Variants in CYLD observed in about 807,000 individuals in gnomAD.
CYLD encodes the protein ubiquitin carboxyl-terminal hydrolase CYLD.
Under a neutral mutation model 104.5 loss-of-function variants are expected in CYLD, and 26 were observed. The ratio of observed to expected loss-of-function variants is 0.25; its 90% CI spans 0.18 to 0.35. CYLD has a LOEUF of 0.35. Ranked by LOEUF, CYLD falls within the 10% of genes least tolerant of loss-of-function variation. CYLD has a pLI of 1.00. For missense variants in CYLD, 703 were observed against 1,136.1 expected, an observed-to-expected ratio of 0.62 and a Z score of 5.48; for synonymous variants, 385 against 399.9, an observed-to-expected ratio of 0.96 and a Z score of 0.45.
In CYLD at chr16:50,794,501, G is replaced by A. The variant is rs768110483; in HGVS notation, c.2686+73G>A. On this transcript the variant is annotated intron_variant, in intron 18 of 18. Coordinates refer to ENST00000427738, the MANE Select transcript of CYLD (RefSeq NM_001378743.1). The surrounding 1 kb of genome is among the most constrained non-coding windows in gnomAD (Gnocchi z 4.1). ...TAGTGGGACAGTTTGTAGTGGGATC[G>A]CCTGTTCTGAGTGATATTTTCTGAG... 3.7e-6 allele frequency: 5 copies of A among 1,357,146 alleles called. No individual in the cohort carries two copies. The highest frequency in any genetic ancestry group is 1.7e-5 in the Admixed American group (1 of 59,610). 84.1% of individuals were successfully genotyped at this position (1,357,146 alleles called of 1,614,324 possible).
chr16:50,747,413 G>T (rs570399411), intron 2 of CYLD, among the ~76,000 whole-genome samples: 3 of 152,168 alleles, frequency 2.0e-5, no homozygotes, highest in Non-Finnish European at 1.5e-5. Context: ...AAGCATTCGC[G>T]ACCTCAGGAA....
In CYLD at chr16:50,749,939, G is replaced by A. The variant is rs916449502; in HGVS notation, c.241G>A (p.Val81Ile). ...GLKILEQPHAVLFVDEKDVVE... is the reference protein window; with the variant it reads ...GLKILEQPHAILFVDEKDVVE... ...AAAAATTCTAGAGCAACCTCATGCA[G>A]TTCTCTTTGTTGATGAAAAGGATGT... The change falls in exon 3 of 19, where the codon GTT becomes ATT. Residue 81 changes from valine to isoleucine, a missense_variant. Physicochemically the swap from Val to Ile is conservative, Grantham distance 29 (BLOSUM62 3). This residue lies in a region of CYLD where 142 missense variants were observed against 165.1 expected (regional missense o/e 0.86). Coordinates refer to ENST00000427738, the MANE Select transcript of CYLD (RefSeq NM_001378743.1). The A allele has an allele frequency of 6.2e-7, 1 of 1,613,992 alleles. No homozygotes were observed. The highest frequency in any genetic ancestry group is 1.7e-5 in the Admixed American group (1 of 60,004).
chr16:50,789,514 T>C (rs994255160), intron 14 of CYLD, among the ~76,000 whole-genome samples: 5 of 152,132 alleles, frequency 3.3e-5, no homozygotes, highest in African/African-American at 1.2e-4. Flanking sequence ...TCTGAATGCC[T>C]TGTGGGACTT....
chr16:50,794,276 C>G lies in CYLD; in HGVS notation c.2534C>G (p.Pro845Arg), dbSNP rs755537769. ...CCAGTGTCACTTCCCAAAGACTTAC[C>G]CGACTGGGACTGGAGACACGGCTGC... The part of the protein sequence containing the change: ...YNPVSLPKDL[P>R]DWDWRHGCIP... The change falls in exon 18 of 19, where the codon CCC becomes CGC. Residue 845 changes from proline to arginine, a missense_variant. Coordinates refer to ENST00000427738, the MANE Select transcript of CYLD (RefSeq NM_001378743.1). The surrounding 1 kb of genome is among the most constrained non-coding windows in gnomAD (Gnocchi z 4.1). 2.5e-6 allele frequency: 4 copies of G among 1,614,166 alleles called. No homozygotes were observed. Among genetic ancestry groups the G allele is most frequent in the Non-Finnish European group, 3.4e-6 (4 of 1,180,032 alleles).
Position 50,780,029 on chromosome 16 carries a change from C to A in CYLD, c.1503C>A (p.Leu501=). The A allele has an allele frequency of 6.2e-7, 1 of 1,614,026 alleles. No individual in the cohort carries two copies. The highest frequency in any genetic ancestry group is 1.1e-5 in the South Asian group (1 of 91,064). Residue 501 remains leucine (L), a synonymous_variant, in exon 9 of 19, where the codon CTC becomes CTA. Coordinates refer to ENST00000427738, the MANE Select transcript of CYLD (RefSeq NM_001378743.1). ...IGQPPGLNEV[L]AGLELEDECA... ...AGCCACCAGGACTGAATGAAGTGCT[C>A]GCTGGACTGGAACTGGTAATTTAAC...
chr16:50,770,214 G>A (rs754061198), intron 5 of CYLD, among the ~76,000 whole-genome samples: 2 of 152,112 alleles, frequency 1.3e-5, no homozygotes, highest in Admixed American at 6.5e-5. Context: ...TTAAGAAACC[G>A]CTAAACTGTT....
chr16:50,796,036 A>G (rs1972011110), intron 18 of CYLD, among the ~76,000 whole-genome samples: 1 of 152,176 alleles, frequency 6.6e-6, no homozygotes, highest in Non-Finnish European at 1.5e-5. Context: ...CTACATATGT[A>G]TTGATAATAT....
chr16:50,751,828 A>C lies in CYLD; in HGVS notation c.729A>C (p.Thr243=). 1 of 1,613,626 alleles carries C rather than the reference A, an allele frequency of 6.2e-7. No individual in the cohort carries two copies. Among genetic ancestry groups the C allele is most frequent in the Non-Finnish European group, 8.5e-7 (1 of 1,179,728 alleles). ...NSRVSLKVGE[T]IESGTVIFCD... ...GAGTTTCTTTGAAGGTTGGAGAAAC[A>C]ATAGAATCTGGAACAGTTATATTCT... Residue 243 remains threonine (T), a synonymous_variant, in exon 4 of 19, where the codon ACA becomes ACC. Coordinates refer to ENST00000427738, the MANE Select transcript of CYLD (RefSeq NM_001378743.1).
At chr16:50,752,529 A>G (rs1238600985) in intron 4 of CYLD, among the ~76,000 whole-genome samples, 4 of 152,232 alleles carry the variant, frequency 2.6e-5, no homozygotes, top group Non-Finnish European at 5.9e-5. Context: ...AAATATACAT[A>G]ACAAAATTTA....
chr16:50,748,588 A>T (rs867453558), intron 2 of CYLD, among the ~76,000 whole-genome samples: 3 of 152,126 alleles, frequency 2.0e-5, no homozygotes, highest in Non-Finnish European at 4.4e-5. Context: ...AAAATTTGAA[A>T]AAGAAATAAT....
intron 5 of CYLD, among the ~76,000 whole-genome samples, chr16:50,760,450 TCA>T (rs748124494): frequency 2.6e-5 from 4 of 152,194 alleles, no homozygotes; most frequent in Non-Finnish European, 5.9e-5. Flanking sequence ...TTCTCACTAG[TCA>T]CAGTTTTTAT....
chr16:50,781,321 C>T lies in CYLD; in HGVS notation c.1594C>T (p.Leu532=), dbSNP rs754053741. The T allele has an allele frequency of 3.7e-6, 6 of 1,613,856 alleles. No homozygotes were observed. In the South Asian group the frequency reaches 6.6e-5, roughly 18 times the overall value. ...TTTCACCTGTGCCCTGAAGAAGGCG[C>T]TGTTTGTGAAACTGAAGAGCTGCAG... The part of the protein sequence containing the change: ...RYFTCALKKA[L]FVKLKSCRPD... Residue 532 remains leucine (L), a synonymous_variant, in exon 10 of 19, where the codon CTG becomes TTG. Coordinates refer to ENST00000427738, the MANE Select transcript of CYLD (RefSeq NM_001378743.1).
intron 5 of CYLD, among the ~76,000 whole-genome samples, chr16:50,758,324 G>A (rs1273694196): frequency 6.6e-6 from 1 of 152,152 alleles, no homozygotes; most frequent in African/African-American, 2.4e-5. Flanking sequence ...CTGTGGCTGC[G>A]GCAGATGGAG....
At chr16:50,788,127 A>T (rs897012143) in intron 14 of CYLD, among the ~76,000 whole-genome samples, 1 of 152,208 alleles carries the variant, frequency 6.6e-6, no homozygotes, top group African/African-American at 2.4e-5. Flanking sequence ...TTGAAACTGT[A>T]TATATATTTT....
chr16:50,748,927 C>A (rs79697833), intron 2 of CYLD, among the ~76,000 whole-genome samples: 2,500 of 152,254 alleles, frequency 0.016, 60 homozygotes, highest in African/African-American at 0.057. Flanking sequence ...ATGGGACAGG[C>A]CTGGTGGCTT....
rs374118770 is a variant in CYLD, at chr16:50,751,668, A to G, written c.569A>G (p.Asp190Gly). 2 of 1,613,858 alleles carry G rather than the reference A, an allele frequency of 1.2e-6. No individual in the cohort carries two copies. The highest frequency in any genetic ancestry group is 1.7e-6 in the Non-Finnish European group (2 of 1,179,824). The change falls in exon 4 of 19, where the codon GAT (aspartate) becomes GGT (glycine). Residue 190 changes from aspartate to glycine, a missense_variant. Transcript: ENST00000427738. ...VYQGKQLFQC[D>G]EDCGVFVALD... Reference sequence around the variant, plus strand: ...CAAGGGAAACAGCTTTTTCAGTGTGATGAAGATTGTGGCGTGTTTGTTGCA... The same window carrying G: ...CAAGGGAAACAGCTTTTTCAGTGTGGTGAAGATTGTGGCGTGTTTGTTGCA...
intron 5 of CYLD, among the ~76,000 whole-genome samples, chr16:50,771,896 A>G (rs1333594695): frequency 1.3e-5 from 2 of 152,122 alleles, no homozygotes; most frequent in East Asian, 1.9e-4. Flanking sequence ...TTGGTTCTCC[A>G]TTCTGTTCCA....
Position 50,801,734 on chromosome 16 carries a change from A to G in CYLD, c.*5226A>G, listed in dbSNP as rs1972474610. The G allele has an allele frequency of 8.6e-6, 2 of 233,148 alleles. No homozygotes were observed. The highest frequency in any genetic ancestry group is 1.7e-5 in the Non-Finnish European group (2 of 117,716). 14.4% of individuals were successfully genotyped at this position (233,148 alleles called of 1,614,324 possible). ...TTTGGTATCTTGTTCAGCATGTTTT[A>G]TTTTTATTTCTTGTCTGCAGAACAT... On this transcript the variant is annotated 3_prime_UTR_variant, in exon 19 of 19. Transcript: ENST00000427738.
At position 50,749,879 on chromosome 16, in the gene CYLD, C is replaced by T; in HGVS notation, c.181C>T (p.Pro61Ser). The part of the protein sequence containing the change: ...QDRSVGHSRI[P>S]SAKGKKNQIG... ...TCGTTCTGTGGGGCATTCAAGGATT[C>T]CTTCTGCAAAAGGCAAGAAAAATCA... Residue 61 changes from proline to serine, a missense_variant, in exon 3 of 19, where the codon CCT becomes TCT. By Grantham distance (74) the Pro-to-Ser change is moderately conservative. Transcript: ENST00000427738. The T allele has an allele frequency of 1.2e-6, 2 of 1,614,110 alleles. No individual in the cohort carries two copies. The highest frequency in any genetic ancestry group is 1.7e-6 in the Non-Finnish European group (2 of 1,180,004).
Sources: gnomAD v4.1 joint callset for allele counts (sites outside exome capture counted in the v4.1 genomes callset) on GRCh38, gnomAD v4.1.1 for gene constraint, gnomAD v4.1.1 regional missense constraint, Gnocchi (gnomAD v3.1) non-coding constraint, MANE v1.5 for transcripts, NCBI Gene and HGNC (gene_info 2026-07-23, HGNC 2026-07-21) for gene names.